Variants in CYSLTR2 observed in about 807,000 individuals in gnomAD.
CYSLTR2 encodes G-protein coupled receptor GPCR21.
For synonymous variants in CYSLTR2, 179 were observed against 160.8 expected (o/e 1.11, Z -0.86); for missense variants, 398 against 411.9 (o/e 0.97, Z 0.29).
Position 48,695,255 on chromosome 13 carries a change from C to T in CYSLTR2, c.-102-1271C>T, listed in dbSNP as rs182133899. On this transcript the variant is annotated intron_variant, in intron 3 of 4. Transcript: ENST00000682523. ...ACGCCCAGCTAATCTTTTTCATTTTCTTTTTTTTTCCTTTTCTTTTTTTCC... is the reference window on the plus strand; with the variant it reads ...ACGCCCAGCTAATCTTTTTCATTTTTTTTTTTTTTCCTTTTCTTTTTTTCC... Among the ~76,000 whole-genome samples, 1,263 of 149,444 alleles carry T rather than the reference C, an allele frequency of 8.5e-3. 21 individuals are homozygous for T. Among genetic ancestry groups the T allele is most frequent in the African/African-American group, 0.03 (1,210 of 40,754 alleles).
intron 4 of CYSLTR2, among the ~76,000 whole-genome samples, chr13:48,702,496 G>A (rs1442073967): frequency 1.3e-5 from 2 of 152,162 alleles, no homozygotes; most frequent in Admixed American, 6.5e-5. Context: ...TTTAGTTCAA[G>A]GTTTGTTTTT....
intron 1 of CYSLTR2, among the ~76,000 whole-genome samples, chr13:48,683,332 T>G (rs770709895): frequency 5.0e-4 from 76 of 152,336 alleles, no homozygotes; most frequent in Non-Finnish European, 1.0e-3. Context: ...CTGAACAAAT[T>G]TACACTCTCA....
intron 1 of CYSLTR2, among the ~76,000 whole-genome samples, chr13:48,685,889 T>C (rs1953883449): frequency 6.6e-6 from 1 of 152,328 alleles, no homozygotes; most frequent in East Asian, 1.9e-4. Context: ...ATTCTGTGTA[T>C]ATCAGGCTTT....
intron 1 of CYSLTR2, among the ~76,000 whole-genome samples, chr13:48,678,843 A>G (rs1168639336): frequency 7.9e-5 from 12 of 151,940 alleles, no homozygotes; most frequent in Non-Finnish European, 1.8e-4. Context: ...ACTCCTTTAT[A>G]GCTCTCAGTC....
At chr13:48,668,028 T>C (rs1015885834) in intron 1 of CYSLTR2, among the ~76,000 whole-genome samples, 1 of 152,188 alleles carries the variant, frequency 6.6e-6, no homozygotes, top group Non-Finnish European at 1.5e-5. Flanking sequence ...TAACACTTGT[T>C]TGCCTAGTGA....
intron 4 of CYSLTR2, among the ~76,000 whole-genome samples, chr13:48,704,684 A>G (rs1368778191): frequency 2.0e-5 from 3 of 151,716 alleles, no homozygotes; most frequent in African/African-American, 7.3e-5. Flanking sequence ...GTTTCCCTTG[A>G]GATTTCCTTT....
At chr13:48,668,769 C>A (rs1953337223) in intron 1 of CYSLTR2, among the ~76,000 whole-genome samples, 2 of 152,046 alleles carry the variant, frequency 1.3e-5, no homozygotes, top group African/African-American at 4.8e-5. Flanking sequence ...TCCCCCAACC[C>A]CCGACAGGCT....
intron 3 of CYSLTR2, among the ~76,000 whole-genome samples, chr13:48,694,416 C>T (rs1046164772): frequency 6.6e-5 from 10 of 152,164 alleles, no homozygotes; most frequent in Admixed American, 4.6e-4. Flanking sequence ...GATCATAGAA[C>T]AGATGTTAGA....
chr13:48,702,542 A>G (rs1954378496), intron 4 of CYSLTR2, among the ~76,000 whole-genome samples: 1 of 152,174 alleles, frequency 6.6e-6, no homozygotes, highest in Non-Finnish European at 1.5e-5. Flanking sequence ...AGTGCCTCTG[A>G]AAAGCCTATC....
chr13:48,697,211 C>G (rs1235220061), intron 4 of CYSLTR2, among the ~76,000 whole-genome samples: 1 of 152,184 alleles, frequency 6.6e-6, no homozygotes, highest in Non-Finnish European at 1.5e-5. Flanking sequence ...AGACTGCCTC[C>G]TCAAGTGGGT....
chr13:48,678,305 G>C (rs1464864149), intron 1 of CYSLTR2, among the ~76,000 whole-genome samples: 1 of 152,006 alleles, frequency 6.6e-6, no homozygotes, highest in Non-Finnish European at 1.5e-5. Context: ...ACCGGACTGG[G>C]TCCACCTGTT....
Position 48,708,465 on chromosome 13 carries a change from G to A in CYSLTR2, c.*607G>A, listed in dbSNP as rs1367842549. The A allele has an allele frequency of 6.0e-6, 1 of 167,248 alleles. No individual in the cohort carries two copies. 10.4% of individuals were successfully genotyped at this position (167,248 alleles called of 1,614,324 possible). On this transcript the variant is annotated 3_prime_UTR_variant, in exon 5 of 5. Coordinates refer to ENST00000682523, the MANE Select transcript of CYSLTR2 (RefSeq NM_001308476.3). ...AAGAATTTCATTTTGCATTGGGAGA[G>A]AGGTTCTAACACACTGAAGGCAACC...
At position 48,707,245 on chromosome 13, in the gene CYSLTR2, C is replaced by T. The variant is rs1954521044; in HGVS notation, c.428C>T (p.Pro143Leu). 2 of 1,614,072 alleles carry T rather than the reference C, an allele frequency of 1.2e-6. No homozygotes were observed. The highest frequency in any genetic ancestry group is 1.6e-4 in the Middle Eastern group (1 of 6,062). ...GTGCGTTTCCTGGCAATGGTTCACC[C>T]CTTTCGGCTTCTGCATGTCACCAGC... The part of the protein sequence containing the change: ...SVVRFLAMVH[P>L]FRLLHVTSIR... The change falls in exon 5 of 5, where the codon CCC becomes CTC. Residue 143 changes from proline (P) to leucine (L), a missense_variant. By Grantham distance (98) the Pro-to-Leu change is moderately conservative. Coordinates refer to ENST00000682523, the MANE Select transcript of CYSLTR2 (RefSeq NM_001308476.3).
rs180792276 is a variant in CYSLTR2 at position 48,679,594 on chromosome 13, A to G, written c.-265-11618A>G. Among the ~76,000 whole-genome samples the G allele has an allele frequency of 1.6e-3, 240 of 152,334 alleles. 1 individual carries two copies. The highest frequency in any genetic ancestry group is 5.4e-3 in the African/African-American group (226 of 41,576). On this transcript the variant is annotated intron_variant, in intron 1 of 4. Transcript: ENST00000682523. ...ATAAAATGATCAAATCAGAGTACCT[A>G]GAGCTGTTATCAAGTAAGAGTAGCA...
At chr13:48,663,303 A>G (rs894495293) in intron 1 of CYSLTR2, among the ~76,000 whole-genome samples, 17 of 152,212 alleles carry the variant, frequency 1.1e-4, no homozygotes, top group African/African-American at 4.1e-4. Flanking sequence ...CTTTTTGCTC[A>G]GGTTTGCTTT....
chr13:48,654,182 A>G (rs1566076122), intron 1 of CYSLTR2, among the ~76,000 whole-genome samples, 165 bp downstream of exon 1: 2 of 152,100 alleles, frequency 1.3e-5, no homozygotes, highest in Non-Finnish European at 2.9e-5. Flanking sequence ...CTGTGGAAGT[A>G]TAAAAATGTT....
chr13:48,688,375 T>G (rs1047093056), intron 1 of CYSLTR2, among the ~76,000 whole-genome samples: 1 of 152,172 alleles, frequency 6.6e-6, no homozygotes, highest in African/African-American at 2.4e-5. Flanking sequence ...GTCATCTACA[T>G]TAGGTATTTC....
At chr13:48,670,158 T>G (rs1953384012) in intron 1 of CYSLTR2, among the ~76,000 whole-genome samples, 1 of 152,250 alleles carries the variant, frequency 6.6e-6, no homozygotes. Flanking sequence ...TTTAAGTTCC[T>G]TGTAGATTCT....
At chr13:48,658,683 G>A (rs193182884) in intron 1 of CYSLTR2, among the ~76,000 whole-genome samples, 8 of 152,310 alleles carry the variant, frequency 5.3e-5, no homozygotes, top group African/African-American at 9.6e-5. Flanking sequence ...ACCTGAGACT[G>A]GGTAAGCAAT....
Sources: allele counts gnomAD v4.1 joint callset (sites outside exome capture counted in the v4.1 genomes callset), GRCh38; gene constraint gnomAD v4.1.1; transcripts MANE v1.5; gene names NCBI Gene and HGNC (gene_info 2026-07-23, HGNC 2026-07-21).